The following NPAS3 variants were observed in gnomAD, a reference collection of about 807,000 sequenced individuals.
NPAS3 encodes neuronal PAS domain-containing protein 3.
A neutral mutation model predicts 73.1 loss-of-function variants in NPAS3; 14 were observed. The ratio of observed to expected loss-of-function variants is 0.19; its 90% CI spans 0.13 to 0.30. NPAS3 has a LOEUF of 0.30. NPAS3 is among the 10% of genes least tolerant of loss of function. The probability of loss-of-function intolerance (pLI) is 1.00; values close to 1 mark genes in which losing one functional copy is unlikely to be tolerated. For missense variants in NPAS3, 1,096 were observed against 1,250.0 expected (o/e 0.88, Z 1.86); for synonymous variants, 620 against 541.5 (o/e 1.14, Z -2.01).
rs758122416 is a variant in NPAS3 at position 33,800,377 on chromosome 14, C to A, written c.2070C>A (p.His690Gln). 25 of 1,607,840 alleles carry A rather than the reference C, an allele frequency of 1.6e-5. 1 individual carries two copies. The South Asian group carries it at 2.8e-4, about 18-fold the overall frequency. Residue 690 changes from histidine (H) to glutamine (Q), a missense_variant, in exon 12 of 12, where the codon CAC becomes CAA. Physicochemically the swap from His to Gln is conservative, Grantham distance 24. Coordinates refer to ENST00000356141, the Ensembl canonical transcript of NPAS3. This position sits in a 1 kb window ranked among gnomAD's most constrained non-coding sequence, Gnocchi z 6.5. ...TGACCAAGCCCCCCAGCTCTGAGCACTTCCCGTCCCCGCAGGGCGGCGGCG... is the reference window on the plus strand; with the variant it reads ...TGACCAAGCCCCCCAGCTCTGAGCAATTCCCGTCCCCGCAGGGCGGCGGCG...
intron 4 of NPAS3, among the ~76,000 whole-genome samples, chr14:33,378,386 C>A (rs886209188): frequency 1.7e-4 from 26 of 152,166 alleles, no homozygotes; most frequent in African/African-American, 5.3e-4. Context: ...ATCACACCCA[C>A]ACACATATTC....
chr14:33,613,065 T>C (rs994458634), intron 5 of NPAS3, among the ~76,000 whole-genome samples: 2 of 152,196 alleles, frequency 1.3e-5, no homozygotes, highest in African/African-American at 2.4e-5. Context: ...AACTGAAAAT[T>C]TAATTCAACA....
intron 4 of NPAS3, among the ~76,000 whole-genome samples, chr14:33,554,549 A>G (rs943180164): frequency 1.3e-5 from 2 of 152,220 alleles, no homozygotes; most frequent in African/African-American, 4.8e-5. Context: ...GTGAAGGCTT[A>G]GTTTAAAATA....
chr14:32,943,296 C>T (rs1297364068), intron 1 of NPAS3, among the ~76,000 whole-genome samples: 1 of 152,014 alleles, frequency 6.6e-6, no homozygotes, highest in Non-Finnish European at 1.5e-5. Flanking sequence ...ATTAATATCT[C>T]AGCAATCAAT....
chr14:33,387,829 T>G (rs2046836493), intron 4 of NPAS3, among the ~76,000 whole-genome samples: 1 of 152,074 alleles, frequency 6.6e-6, no homozygotes, highest in Non-Finnish European at 1.5e-5. Flanking sequence ...GACCCTACAA[T>G]TAGATGCTGC....
chr14:33,082,608 A>C (rs1475096797), intron 2 of NPAS3, among the ~76,000 whole-genome samples: 1 of 152,330 alleles, frequency 6.6e-6, no homozygotes. Context: ...GGAATTTAGC[A>C]CTATACCTCA....
At chr14:33,157,847 A>T (rs1158094387) in intron 2 of NPAS3, among the ~76,000 whole-genome samples, 2 of 152,142 alleles carry the variant, frequency 1.3e-5, no homozygotes, top group Non-Finnish European at 2.9e-5. Flanking sequence ...CAGTCATCTC[A>T]TCTGTGAGAT....
chr14:33,470,547 G>T (rs948991705), intron 4 of NPAS3, among the ~76,000 whole-genome samples: 156 of 152,222 alleles, frequency 1.0e-3, no homozygotes, highest in African/African-American at 3.7e-3. Flanking sequence ...AATAGGGGAG[G>T]AAACCTTCTA....
chr14:33,395,654 T>C (rs2047190245), intron 4 of NPAS3, among the ~76,000 whole-genome samples: 1 of 152,180 alleles, frequency 6.6e-6, no homozygotes, highest in Admixed American at 6.6e-5. Context: ...ATTTTAAGCC[T>C]GTTCATAAAA....
intron 3 of NPAS3, among the ~76,000 whole-genome samples, chr14:33,332,716 A>C (rs1452657243): frequency 4.6e-5 from 7 of 152,184 alleles, no homozygotes; most frequent in Admixed American, 4.6e-4. Flanking sequence ...ATCTATGTGC[A>C]CCCATATGGC....
chr14:33,183,082 A>G (rs7147990), intron 2 of NPAS3, among the ~76,000 whole-genome samples: 145,515 of 152,178 alleles, frequency 0.96, 69,751 homozygotes, highest in Non-Finnish European at 0.99. Flanking sequence ...AAGTTGCCTT[A>G]AGGGCTCATA....
intron 4 of NPAS3, among the ~76,000 whole-genome samples, chr14:33,491,111 G>C (rs1381201091): frequency 1.3e-5 from 2 of 152,116 alleles, no homozygotes; most frequent in Non-Finnish European, 2.9e-5. Flanking sequence ...AACATCTGGG[G>C]ACCTGGGTGA....
intron 6 of NPAS3, among the ~76,000 whole-genome samples, chr14:33,711,257 C>A (rs75258662): frequency 6.6e-6 from 1 of 152,152 alleles, no homozygotes; most frequent in Admixed American, 6.5e-5. Flanking sequence ...GGAAAAAAAT[C>A]TATTTTGAAT....
At chr14:33,474,092 C>T (rs748428737) in intron 4 of NPAS3, among the ~76,000 whole-genome samples, 4 of 152,078 alleles carry the variant, frequency 2.6e-5, no homozygotes. Context: ...AGGGAACGTT[C>T]GCTTTCTCCA....
At chr14:32,984,996 G>C (rs1040171583) in intron 1 of NPAS3, among the ~76,000 whole-genome samples, 2 of 151,366 alleles carry the variant, frequency 1.3e-5, no homozygotes, top group Non-Finnish European at 2.9e-5. Context: ...TTAAGTCCTG[G>C]GTATAATGTG....
intron 6 of NPAS3, among the ~76,000 whole-genome samples, chr14:33,683,058 T>A (rs1566419289): frequency 8.5e-5 from 1 of 11,824 alleles, no homozygotes; most frequent in South Asian, 4.5e-3. Flanking sequence ...AAACTAACTT[T>A]CTCTTCTCTT....
At chr14:33,767,107 C>T (rs2062487737) in intron 7 of NPAS3, among the ~76,000 whole-genome samples, 5 of 152,174 alleles carry the variant, frequency 3.3e-5, no homozygotes. Context: ...CTGGTTTCAG[C>T]TAAGGCTTGT....
chr14:33,690,211 C>T (rs888026548), intron 6 of NPAS3, among the ~76,000 whole-genome samples: 7 of 152,038 alleles, frequency 4.6e-5, no homozygotes, highest in African/African-American at 1.7e-4. Context: ...TGGCGGTACT[C>T]GGTATTGGTT....
chr14:33,709,702 G>A (rs889557848), intron 6 of NPAS3, among the ~76,000 whole-genome samples: 4 of 152,156 alleles, frequency 2.6e-5, no homozygotes, highest in Non-Finnish European at 5.9e-5. Flanking sequence ...GCCCGCAAAG[G>A]TTTACCGCCT....
Sources: gnomAD v4.1 joint callset for allele counts (sites outside exome capture counted in the v4.1 genomes callset) on GRCh38, gnomAD v4.1.1 for gene constraint, Gnocchi (gnomAD v3.1) non-coding constraint, MANE v1.5 for transcripts, NCBI Gene and HGNC (gene_info 2026-07-23, HGNC 2026-07-21) for gene names.